Variants in CRHR2 observed in about 807,000 individuals in gnomAD.
CRHR2 encodes corticotropin-releasing hormone receptor 2.
CRHR2 carries 53 observed loss-of-function variants against 57.9 expected under a neutral mutation model. The observed-to-expected ratio is 0.92, with a 90% confidence interval of 0.73 to 1.15. CRHR2 has a LOEUF of 1.15. Among genes scored for constraint, CRHR2 ranks in the 50% most tolerant of loss-of-function variants. The pLI, the probability that CRHR2 is intolerant of heterozygous loss-of-function variation, is 0.00. For synonymous variants in CRHR2, 213 were observed against 220.9 expected, an observed-to-expected ratio of 0.96 and a Z score of 0.32; for missense variants, 532 against 542.6, an observed-to-expected ratio of 0.98 and a Z score of 0.19.
intron 5 of CRHR2, 56 bp from the exon 6 acceptor site, chr7:30,662,903 A>G: frequency 1.3e-6 from 2 of 1,582,866 alleles, no homozygotes; most frequent in Non-Finnish European, 1.7e-6. Context: ...GGTAGGACAT[A>G]CCCATCCCCA....
intron 6 of CRHR2, 140 bp from the exon 7 acceptor site, chr7:30,662,356 C>T (rs974950574): frequency 1.2e-4 from 122 of 977,330 alleles, no homozygotes; most frequent in Middle Eastern, 6.4e-4. Flanking sequence ...CCAGGGGTGC[C>T]CTGTCCCTCA....
At chr7:30,688,883 G>A (rs751738268) in intron 2 of CRHR2, 1 of 517,360 alleles carries the variant, frequency 1.9e-6, no homozygotes, top group South Asian at 1.5e-5. Context: ...CCCTGGAGTT[G>A]GAAAGCTGAG....
intron 1 of CRHR2, among the ~76,000 whole-genome samples, chr7:30,696,202 C>T (rs553426301): frequency 1.8e-3 from 280 of 152,062 alleles, no homozygotes; most frequent in Non-Finnish European, 2.8e-3. Context: ...ATGAATACGA[C>T]GTAGTATTTC....
At chr7:30,694,486 A>G (rs111910467) in intron 1 of CRHR2, among the ~76,000 whole-genome samples, 1,601 of 152,288 alleles carry the variant, frequency 0.011, 11 homozygotes, top group Middle Eastern at 0.017. Flanking sequence ...GGCCCAGTCT[A>G]GTGTTCCCTC....
At chr7:30,654,865 T>C (rs138102503) in intron 11 of CRHR2, 174 bp downstream of exon 11, 683 of 1,548,764 alleles carry the variant, frequency 4.4e-4, no homozygotes, top group Non-Finnish European at 5.5e-4. Flanking sequence ...GTTGACCTTC[T>C]AAACTGGCTC....
intron 2 of CRHR2, among the ~76,000 whole-genome samples, chr7:30,688,304 T>C (rs6462220): frequency 0.39 from 60,046 of 152,078 alleles, 15,951 homozygotes; most frequent in African/African-American, 0.77. Context: ...AGAATGGTGA[T>C]GAAATCAGCT....
chr7:30,684,502 G>T (rs1784815270), upstream of CRHR2, among the ~76,000 whole-genome samples: 2 of 152,222 alleles, frequency 1.3e-5, no homozygotes, highest in Admixed American at 1.3e-4. Flanking sequence ...CTCATCTCAT[G>T]CAGATTTCTG....
At chr7:30,678,798 A>G (rs1221562249) in intron 2 of CRHR2, among the ~76,000 whole-genome samples, 1 of 152,090 alleles carries the variant, frequency 6.6e-6, no homozygotes, top group Non-Finnish European at 1.5e-5. Flanking sequence ...ATATCTTGTC[A>G]ATTTCAAATG....
chr7:30,692,253 A>G (rs186756355), intron 1 of CRHR2, among the ~76,000 whole-genome samples: 1 of 152,320 alleles, frequency 6.6e-6, no homozygotes, highest in East Asian at 1.9e-4. Context: ...GAGTCCCCTC[A>G]TCGGGACTCC....
chr7:30,689,613 G>C (rs78745030), intron 1 of CRHR2, among the ~76,000 whole-genome samples: 2 of 127,188 alleles, frequency 1.6e-5, no homozygotes, highest in African/African-American at 2.8e-5. Context: ...AAAGCTGGGT[G>C]GGGGGTGGGT....
chr7:30,696,045 T>C (rs1447233695), intron 1 of CRHR2, among the ~76,000 whole-genome samples: 2 of 152,200 alleles, frequency 1.3e-5, no homozygotes, highest in Admixed American at 1.3e-4. Context: ...AATTAGAATG[T>C]TGAGAAAGAC....
chr7:30,689,381 T>A, intron 1 of CRHR2: 2 of 982,868 alleles, frequency 2.0e-6, no homozygotes, highest in African/African-American at 1.6e-5. Context: ...CATCCCTTAC[T>A]CCTCTTAGTA....
At chr7:30,693,854 G>A (rs183383076) in intron 1 of CRHR2, among the ~76,000 whole-genome samples, 6 of 152,352 alleles carry the variant, frequency 3.9e-5, no homozygotes, top group Admixed American at 3.9e-4. Context: ...CACACTTTTG[G>A]TGTCAGAGGT....
At chr7:30,658,755 A>T (rs183663663) in intron 8 of CRHR2, among the ~76,000 whole-genome samples, 6 of 152,336 alleles carry the variant, frequency 3.9e-5, no homozygotes, top group African/African-American at 1.4e-4. Context: ...GTGACTGCCA[A>T]TCCTTTCCCA....
intron 2 of CRHR2, among the ~76,000 whole-genome samples, chr7:30,680,447 A>C (rs548167569): frequency 9.2e-5 from 14 of 152,282 alleles, no homozygotes; most frequent in African/African-American, 3.4e-4. Context: ...CTGTGGGCTG[A>C]GATGCTCCAT....
At chr7:30,691,624 C>T (rs931571883) in intron 1 of CRHR2, among the ~76,000 whole-genome samples, 1 of 152,216 alleles carries the variant, frequency 6.6e-6, no homozygotes, top group Non-Finnish European at 1.5e-5. Context: ...GCAACTGATG[C>T]TTGCTCTTTG....
At position 30,662,714 on chromosome 7, in the gene CRHR2, A is replaced by G; in HGVS notation, c.677T>C (p.Leu226Pro). ...TYSTERLRKC[L>P]FLFIGWCIPF... The stretch of plus-strand genomic sequence containing the variant: ...CTCACACCATCCGATGAAGAGGAAG[A>G]GGCACTTGCGCAGGCGCTCAGTGGA... Residue 226 changes from leucine to proline, a missense_variant, in exon 6 of 12, where the codon CTC becomes CCC. Coordinates refer to ENST00000471646, the MANE Select transcript of CRHR2 (RefSeq NM_001883.5). The G allele has an allele frequency of 6.2e-7, 1 of 1,614,076 alleles. No homozygotes were observed. The highest frequency in any genetic ancestry group is 8.5e-7 in the Non-Finnish European group (1 of 1,179,940).
chr7:30,686,609 G>A, upstream of CRHR2: 2 of 1,162,702 alleles, frequency 1.7e-6, no homozygotes, highest in Non-Finnish European at 2.5e-6. Flanking sequence ...AGGAATTCAA[G>A]ACCAGCCTAC....
chr7:30,666,702 C>T (rs1184423597), intron 3 of CRHR2, among the ~76,000 whole-genome samples: 1 of 152,224 alleles, frequency 6.6e-6, no homozygotes, highest in Non-Finnish European at 1.5e-5. Context: ...CCTTTCAGGT[C>T]AGGAATGAGG....
Sources: gnomAD v4.1 joint callset for allele counts (sites outside exome capture counted in the v4.1 genomes callset) on GRCh38, gnomAD v4.1.1 for gene constraint, MANE v1.5 for transcripts, NCBI Gene and HGNC (gene_info 2026-07-23, HGNC 2026-07-21) for gene names.